The following SLC25A12 variants were observed in gnomAD, a reference collection of about 807,000 sequenced individuals.
The protein encoded by SLC25A12 is electrogenic aspartate/glutamate antiporter SLC25A12, mitochondrial.
In SLC25A12, 32 loss-of-function variants were observed where a neutral mutation model predicts 83.3. That is an observed-to-expected ratio of 0.38 (90% confidence interval 0.29 to 0.52). The LOEUF is 0.52. Ranked by LOEUF, SLC25A12 falls within the 20% of genes least tolerant of loss-of-function variation. The pLI is 0.84. For missense variants in SLC25A12, 611 were observed against 835.6 expected (o/e 0.73, Z 3.31); for synonymous variants, 267 against 291.1 (o/e 0.92, Z 0.84).
At chr2:171,844,857 A>C (rs1455188727) in intron 4 of SLC25A12, among the ~76,000 whole-genome samples, 2 of 152,268 alleles carry the variant, frequency 1.3e-5, no homozygotes, top group Non-Finnish European at 2.9e-5. Context: ...TTTCTCAAGG[A>C]GTCGAATTAA....
chr2:171,882,887 G>A lies in SLC25A12; in HGVS notation c.66+10318C>T, dbSNP rs534484480. ...GGATTTCAGAGCCTATGGCTGGACC[G>A]TTATTCTTTTACACGTCCAGACTGA... On this transcript the variant is annotated intron_variant, in intron 2 of 17. Transcript: ENST00000422440. 3.3e-5 allele frequency among the ~76,000 whole-genome samples: 5 copies of A among 152,222 alleles called. 1 individual carries two copies. In the South Asian group the frequency reaches 6.2e-4, roughly 19 times the overall value.
chr2:171,875,925 A>AAAG (rs1685560494), intron 2 of SLC25A12, among the ~76,000 whole-genome samples: 1 of 149,284 alleles, frequency 6.7e-6, no homozygotes, highest in Admixed American at 6.6e-5. Context: ...AAAAAAAAAA[A>AAAG]AAAAAGAAAC....
Position 171,784,810 on chromosome 2 carries a change from T to G in SLC25A12, c.*464A>C, listed in dbSNP as rs981067904. On this transcript the variant is annotated 3_prime_UTR_variant, in exon 18 of 18. Coordinates refer to ENST00000422440, the MANE Select transcript of SLC25A12 (RefSeq NM_003705.5). ...AATATTGATGCTTTATTTCCATAAG[T>G]CACCAATAAGAGAATGAATTTAATT... 1.6e-5 allele frequency: 3 copies of G among 184,094 alleles called. No homozygotes were observed. The highest frequency in any genetic ancestry group is 7.1e-5 in the African/African-American group (3 of 42,356). The allele number at this position is 184,094 out of a possible 1,614,324, so 11.4% of individuals were successfully genotyped here. A position where few individuals can be genotyped will look rare whatever the true frequency, so the allele number is the denominator to read the frequency against.
At chr2:171,823,946 A>C (rs866850059) in intron 9 of SLC25A12, among the ~76,000 whole-genome samples, 1,572 of 144,106 alleles carry the variant, frequency 0.011, 28 homozygotes, top group African/African-American at 0.036. Context: ...GTCTCCACAA[A>C]AAAAAAAAAA....
chr2:171,804,947 A>T (rs1383831615), intron 13 of SLC25A12, among the ~76,000 whole-genome samples: 4 of 152,224 alleles, frequency 2.6e-5, no homozygotes, highest in African/African-American at 9.7e-5. Flanking sequence ...GCTAAAAGGT[A>T]CTGCATTTCT....
intron 15 of SLC25A12, among the ~76,000 whole-genome samples, chr2:171,791,202 A>C (rs1298148606): frequency 6.6e-6 from 1 of 152,208 alleles, no homozygotes; most frequent in South Asian, 2.1e-4. Context: ...ATGAAAGCCC[A>C]ATTTAGATGG....
chr2:171,807,799 T>C (rs901859930), intron 13 of SLC25A12, among the ~76,000 whole-genome samples: 15 of 152,194 alleles, frequency 9.9e-5, no homozygotes, highest in African/African-American at 3.6e-4. Context: ...AAAAGAAATG[T>C]AGCCAAAGAG....
At chr2:171,866,149 A>C (rs1441527114) in intron 3 of SLC25A12, among the ~76,000 whole-genome samples, 1 of 131,510 alleles carries the variant, frequency 7.6e-6, no homozygotes, top group Non-Finnish European at 1.6e-5. Flanking sequence ...CAGAGAGCAC[A>C]GGGTTGGGGG....
intron 6 of SLC25A12, among the ~76,000 whole-genome samples, chr2:171,836,476 CA>C (rs1027456173): frequency 2.9e-4 from 44 of 152,280 alleles, no homozygotes; most frequent in Admixed American, 2.7e-3. Context: ...AGCAGTTTGA[CA>C]GAACAAAAAA....
intron 2 of SLC25A12, among the ~76,000 whole-genome samples, chr2:171,891,652 A>G (rs62182404): frequency 0.13 from 20,510 of 152,258 alleles, 1,767 homozygotes; most frequent in South Asian, 0.2. Context: ...TTTCTTCCGC[A>G]TCTACTTAGT....
intron 8 of SLC25A12, among the ~76,000 whole-genome samples, 188 bp downstream of exon 8, chr2:171,833,775 C>T (rs535022602): frequency 6.6e-6 from 1 of 151,876 alleles, no homozygotes; most frequent in East Asian, 1.9e-4. Flanking sequence ...CTCCCTCTGT[C>T]TGTCTTCCTG....
At chr2:171,793,807 G>A (rs1477240454) in intron 13 of SLC25A12, 40 bp from the exon 14 acceptor site, 10 of 1,613,174 alleles carry the variant, frequency 6.2e-6, no homozygotes, top group Non-Finnish European at 8.5e-6. Flanking sequence ...TTCCACATCA[G>A]AGCCCGACTG....
rs115488918 is a variant in SLC25A12, at chr2:171,861,991, T to A, written c.210-6042A>T. Among the ~76,000 whole-genome samples, 1,407 of 152,342 alleles carry A rather than the reference T, an allele frequency of 9.2e-3. 18 individuals are homozygous for A. The highest frequency in any genetic ancestry group is 0.032 in the African/African-American group (1,327 of 41,586). On this transcript the variant is annotated intron_variant, in intron 3 of 17. Coordinates refer to ENST00000422440, the MANE Select transcript of SLC25A12 (RefSeq NM_003705.5). The stretch of plus-strand genomic sequence containing the variant: ...TATTTTCTGAATTTGGTGTGTTTTT[T>A]AAAAATTTTCTACGAAGCCCCTTTT...
At chr2:171,795,083 T>C (rs964120807) in intron 13 of SLC25A12, among the ~76,000 whole-genome samples, 1 of 152,216 alleles carries the variant, frequency 6.6e-6, no homozygotes, top group Non-Finnish European at 1.5e-5. Context: ...CTCCTTTCAA[T>C]ATTCAAAATT....
intron 9 of SLC25A12, among the ~76,000 whole-genome samples, chr2:171,816,092 G>T (rs370984490): frequency 2.8e-5 from 4 of 144,970 alleles, no homozygotes; most frequent in African/African-American, 1.0e-4. Flanking sequence ...TGGAGACAGG[G>T]TTTCACTCTG....
chr2:171,794,591 A>G (rs75378605), intron 13 of SLC25A12, among the ~76,000 whole-genome samples: 333 of 70,528 alleles, frequency 4.7e-3, no homozygotes, highest in African/African-American at 5.8e-3. Flanking sequence ...ACTAGTAGAG[A>G]AAAAAAAAAA....
chr2:171,877,672 GAAAAAAA>G (rs199971332), intron 2 of SLC25A12, among the ~76,000 whole-genome samples: 7 of 93,220 alleles, frequency 7.5e-5, no homozygotes, highest in Non-Finnish European at 1.3e-4. Context: ...TCCATCCCAG[GAAAAAAA>G]AAAAAAAAAA....
rs1683638261 is a variant in SLC25A12 at position 171,798,207 on chromosome 2, A to G, written c.1306-4440T>C. Among the ~76,000 whole-genome samples, 3 of 152,230 alleles carry G rather than the reference A, an allele frequency of 2.0e-5. No individual in the cohort carries two copies. The South Asian group carries it at 6.2e-4, about 32-fold the overall frequency. ...TATGAATTTTTTAATGAGAAAATCAACTAAAGCTGACAGCAAAAGTTAGCG... is the reference window on the plus strand; with the variant it reads ...TATGAATTTTTTAATGAGAAAATCAGCTAAAGCTGACAGCAAAAGTTAGCG... On this transcript the variant is annotated intron_variant, in intron 13 of 17. Coordinates refer to ENST00000422440, the MANE Select transcript of SLC25A12 (RefSeq NM_003705.5).
rs748545810 is a variant in SLC25A12, at chr2:171,787,558, G to A, written c.1835+13C>T. On this transcript the variant is annotated intron_variant, in intron 17 of 17. Transcript: ENST00000422440. ...AGTGATTTCTTTGTAAAGGAGTTGA[G>A]CAGCTGACTTACAGGCCTCCAAAAT... 8 of 1,597,330 alleles carry A rather than the reference G, an allele frequency of 5.0e-6. No individual in the cohort carries two copies. Among genetic ancestry groups the A allele is most frequent in the Non-Finnish European group, 3.4e-6 (4 of 1,164,784 alleles).
Sources: gnomAD v4.1 joint callset for allele counts (sites outside exome capture counted in the v4.1 genomes callset) on GRCh38, gnomAD v4.1.1 for gene constraint, MANE v1.5 for transcripts, NCBI Gene and HGNC (gene_info 2026-07-23, HGNC 2026-07-21) for gene names.